GSG1: variants seen among roughly 807,000 people sequenced by gnomAD.
The protein encoded by GSG1 is germ cell associated 1.
Under a neutral mutation model 30.8 loss-of-function variants are expected in GSG1, and 28 were observed. That is an observed-to-expected ratio of 0.91 (90% CI 0.67 to 1.25). The LOEUF is 1.25. Among genes scored for constraint, GSG1 ranks in the 50% most tolerant of loss-of-function variants. The pLI is 0.00. For missense variants in GSG1, 435 were observed against 444.7 expected, an observed-to-expected ratio of 0.98 and a Z score of 0.20; for synonymous variants, 162 against 178.0, an observed-to-expected ratio of 0.91 and a Z score of 0.71.
At chr12:13,094,414 A>C (rs543170733) in intron 1 of GSG1, among the ~76,000 whole-genome samples, 3 of 152,374 alleles carry the variant, frequency 2.0e-5, no homozygotes, top group African/African-American at 7.2e-5. Flanking sequence ...TAACTCTGCC[A>C]AGAATTGTCA....
At chr12:13,098,196 T>C (rs990480349) in intron 1 of GSG1, among the ~76,000 whole-genome samples, 3 of 151,840 alleles carry the variant, frequency 2.0e-5, no homozygotes. Flanking sequence ...AGTAGTTTCA[T>C]CACAACGCTG....
rs1565551365 is a variant in GSG1, at chr12:13,099,762, T to TTTG, written c.48+3702_48+3703insCAA. ...GGTGTTTTTTTTTGTTTTTTTTTTT[T>TTTG]TTTTTTGTTTTTTCTTCATGTCATC... On this transcript the variant is annotated intron_variant, in intron 1 of 6. Transcript: ENST00000651961. Among the ~76,000 whole-genome samples, 20 of 148,368 alleles carry TTTG rather than the reference T, an allele frequency of 1.3e-4. No homozygotes were observed. The South Asian group carries it at 3.0e-3, about 22-fold the overall frequency.
chr12:13,103,057 G>GT (rs1027788016), intron 1 of GSG1, among the ~76,000 whole-genome samples: 2 of 152,256 alleles, frequency 1.3e-5, no homozygotes, highest in Non-Finnish European at 2.9e-5. Flanking sequence ...GCTCACTGGG[G>GT]TGACACACAG....
rs1029077809 is a variant in GSG1 at position 13,093,096 on chromosome 12, C to T, written c.49-2278G>A. Among the ~76,000 whole-genome samples, 7 of 151,564 alleles carry T rather than the reference C, an allele frequency of 4.6e-5. No homozygotes were observed. Among genetic ancestry groups the T allele is most frequent in the African/African-American group, 9.7e-5 (4 of 41,414 alleles). ...CAGGCGTTAAGCCACCACGCCTGGC[C>T]GGTTATATAAGCTTTTAACTTTATG... On this transcript the variant is annotated intron_variant, in intron 1 of 6. Coordinates refer to ENST00000651961, the MANE Select transcript of GSG1 (RefSeq NM_001080555.4). This position sits in a 1 kb window ranked among gnomAD's most constrained non-coding sequence, Gnocchi z 4.6.
At chr12:13,092,813 C>T (rs111494620) in intron 1 of GSG1, among the ~76,000 whole-genome samples, 15 of 147,686 alleles carry the variant, frequency 1.0e-4, no homozygotes, top group Non-Finnish European at 1.6e-4. Context: ...TTTATTGAGA[C>T]GGAGTGTCAC....
intron 6 of GSG1, among the ~76,000 whole-genome samples, chr12:13,086,076 A>T (rs148955958): frequency 1.2e-3 from 189 of 152,328 alleles, no homozygotes; most frequent in Non-Finnish European, 1.6e-3. Context: ...GAGGGATTTC[A>T]TGAGGCCAAG....
intron 6 of GSG1, among the ~76,000 whole-genome samples, chr12:13,085,696 C>T (rs997978553): frequency 1.3e-5 from 2 of 152,050 alleles, no homozygotes; most frequent in Non-Finnish European, 2.9e-5. Context: ...CCAAAGATGT[C>T]CCCCCACTCA....
At chr12:13,094,369 T>C (rs779282840) in intron 1 of GSG1, among the ~76,000 whole-genome samples, 1 of 152,246 alleles carries the variant, frequency 6.6e-6, no homozygotes, top group Non-Finnish European at 1.5e-5. Flanking sequence ...AGCAATCTGC[T>C]AATATGATTT....
chr12:13,091,661 G>A (rs998865837), intron 1 of GSG1, among the ~76,000 whole-genome samples: 13 of 152,338 alleles, frequency 8.5e-5, no homozygotes, highest in African/African-American at 3.1e-4. Context: ...CCACGATCAT[G>A]CCACTGCACT....
At chr12:13,099,750 G>GTTTTGTTTTTTTTTTTTTTTTTT (rs1863022060) in intron 1 of GSG1, among the ~76,000 whole-genome samples, 1 of 114,828 alleles carries the variant, frequency 8.7e-6, no homozygotes, top group Non-Finnish European at 1.8e-5. Context: ...GTTTTTTTTT[G>GTTTTGTTTTTTTTTTTTTTTTTT]TTTTTTTTTT....
At chr12:13,099,076 T>G (rs533842714) in intron 1 of GSG1, among the ~76,000 whole-genome samples, 1 of 152,192 alleles carries the variant, frequency 6.6e-6, no homozygotes, top group African/African-American at 2.4e-5. Flanking sequence ...TTTGTGTGTG[T>G]ACTTGGCTGC....
intron 1 of GSG1, among the ~76,000 whole-genome samples, chr12:13,094,590 G>C (rs1866485696): frequency 6.6e-6 from 1 of 152,192 alleles, no homozygotes; most frequent in Non-Finnish European, 1.5e-5. Context: ...ATGGGTTTTA[G>C]TCATCATTCT....
At position 13,087,956 on chromosome 12, in the gene GSG1, G is replaced by T; in HGVS notation, c.585C>A (p.Ala195=). The T allele has an allele frequency of 6.2e-7, 1 of 1,614,260 alleles. No homozygotes were observed. Among genetic ancestry groups the T allele is most frequent in the Non-Finnish European group, 8.5e-7 (1 of 1,180,046 alleles). The change falls in exon 5 of 7, where the codon GCC becomes GCA. Residue 195 remains alanine (A), a synonymous_variant. Transcript: ENST00000651961. ...LTDLLLTGNP[A]CGLKLSAFAA... ...CAAAGGCGCTCAGTTTGAGCCCACA[G>T]GCAGGGTTCCCAGTGAGTAGCAAGT...
chr12:13,099,739 T>G, intron 1 of GSG1, among the ~76,000 whole-genome samples: 1 of 114,426 alleles, frequency 8.7e-6, no homozygotes, highest in Admixed American at 8.8e-5. Flanking sequence ...AGGGATCCGG[T>G]GTTTTTTTTT....
Position 13,098,456 on chromosome 12 carries a change from A to ATTTTTTTTTT in GSG1, c.48+4999_48+5008dup, listed in dbSNP as rs771887535. Reference sequence around the variant, plus strand: ...CTTGTAGGATTGTTTCATGTAGCCCATTTTTTTTTTTTTTTTTTTTTTTTT... The same window carrying ATTTTTTTTTT: ...CTTGTAGGATTGTTTCATGTAGCCCATTTTTTTTTTTTTTTTTTTTTTTTTTTTTTTTTTT... On this transcript the variant is annotated intron_variant, in intron 1 of 6. Transcript: ENST00000651961. Among the ~76,000 whole-genome samples, 44 of 47,402 alleles carry ATTTTTTTTTT rather than the reference A, an allele frequency of 9.3e-4. 12 individuals are homozygous for ATTTTTTTTTT. The highest frequency in any genetic ancestry group is 1.4e-3 in the Non-Finnish European group (36 of 26,096). The allele number at this position is 47,402 out of a possible 152,430, so 31.1% of individuals were successfully genotyped here.
chr12:13,097,433 T>C (rs1156576409), intron 1 of GSG1, among the ~76,000 whole-genome samples: 1 of 152,124 alleles, frequency 6.6e-6, no homozygotes, highest in Non-Finnish European at 1.5e-5. Context: ...GGTCTCGAAC[T>C]CCTGGGCTCA....
rs1865338147 is a variant in GSG1 at position 13,084,673 on chromosome 12, T to C, written c.*228A>G. On this transcript the variant is annotated 3_prime_UTR_variant, in exon 7 of 7. Coordinates refer to ENST00000651961, the MANE Select transcript of GSG1 (RefSeq NM_001080555.4). The stretch of plus-strand genomic sequence containing the variant: ...CAGAAACTATCAGTAAAGAAGGGAA[T>C]TCTGGATGTGTGAGATGTGGGGTGG... 2.4e-6 allele frequency: 1 copy of C among 416,750 alleles called. No homozygotes were observed. The allele number at this position is 416,750 out of a possible 1,614,324, so 25.8% of individuals were successfully genotyped here.
At chr12:13,097,897 A>C (rs1862851748) in intron 1 of GSG1, among the ~76,000 whole-genome samples, 1 of 152,128 alleles carries the variant, frequency 6.6e-6, no homozygotes, top group Non-Finnish European at 1.5e-5. Flanking sequence ...TCGTTTAGGG[A>C]ATCAAAGGCA....
Position 13,089,782 on chromosome 12 carries a change from G to A in GSG1, c.365-506C>T, listed in dbSNP as rs142420323. ...AACGAAGTTATAGGCTGGGCATGGT[G>A]GCTCATGTCTGTAATCTCAGCACTT... is the stretch of plus-strand genomic sequence containing the variant. On this transcript the variant is annotated intron_variant, in intron 2 of 6. Transcript: ENST00000651961. Among the ~76,000 whole-genome samples the A allele has an allele frequency of 1.1e-4, 16 of 152,326 alleles. No homozygotes were observed. In the East Asian group the frequency reaches 3.1e-3, roughly 29 times the overall value.
Sources: gnomAD v4.1 joint callset for allele counts (sites outside exome capture counted in the v4.1 genomes callset) on GRCh38, gnomAD v4.1.1 for gene constraint, Gnocchi (gnomAD v3.1) non-coding constraint, MANE v1.5 for transcripts, NCBI Gene and HGNC (gene_info 2026-07-23, HGNC 2026-07-21) for gene names.